ITPRID2: variants seen among roughly 807,000 people sequenced by gnomAD.
ITPRID2 encodes ITPR interacting domain containing 2.
A neutral mutation model predicts 124.3 loss-of-function variants in ITPRID2; 60 were observed. That is an observed-to-expected ratio of 0.48 (90% CI 0.39 to 0.60). The LOEUF is 0.60. ITPRID2 is among the 20% of genes least tolerant of loss of function. The pLI, the probability that ITPRID2 is intolerant of heterozygous loss-of-function variation, is 0.00. For missense variants in ITPRID2, 1,553 were observed against 1,512.2 expected, an observed-to-expected ratio of 1.03 and a Z score of -0.45; for synonymous variants, 521 against 542.9, an observed-to-expected ratio of 0.96 and a Z score of 0.56.
Position 181,918,653 on chromosome 2 carries a change from C to T in ITPRID2, c.2843C>T (p.Ser948Leu). 1 of 1,614,114 alleles carries T rather than the reference C, an allele frequency of 6.2e-7. No homozygotes were observed. The highest frequency in any genetic ancestry group is 8.5e-7 in the Non-Finnish European group (1 of 1,179,994). ...PAAAPYSTQK[S>L]SVLPLYENTF... ...GCTGCTCCATATAGTACTCAGAAAT[C>T]ATCTGTTCTACCTCTTTATGAAGTA... The change falls in exon 12 of 18, where the codon TCA becomes TTA. Residue 948 changes from serine to leucine, a missense_variant. Ser to Leu is a moderately radical substitution (Grantham distance 145). Coordinates refer to ENST00000431877, the MANE Select transcript of ITPRID2 (RefSeq NM_001130445.3).
chr2:181,897,365 T>C (rs56915855), intron 4 of ITPRID2, among the ~76,000 whole-genome samples: 4,759 of 152,118 alleles, frequency 0.031, 235 homozygotes, highest in African/African-American at 0.11. Flanking sequence ...CTTGTCTTTC[T>C]CTTTGCATTT....
At chr2:181,899,211 C>G (rs1024734998) in intron 6 of ITPRID2, 99 bp downstream of exon 6, 2 of 828,892 alleles carry the variant, frequency 2.4e-6, no homozygotes, top group Non-Finnish European at 3.8e-6. Context: ...CATATGAAAT[C>G]AGAAAGAACA....
chr2:181,895,052 C>T (rs1398564326), intron 2 of ITPRID2, among the ~76,000 whole-genome samples: 2 of 152,014 alleles, frequency 1.3e-5, no homozygotes, highest in Non-Finnish European at 2.9e-5. Flanking sequence ...GATTCTTTTA[C>T]GTTTCAAAAG....
chr2:181,920,742 A>AAT, intron 15 of ITPRID2, 80 bp downstream of exon 15: 1 of 1,031,654 alleles, frequency 9.7e-7, no homozygotes, highest in Admixed American at 2.1e-5. Flanking sequence ...GTTTAGATGA[A>AAT]ATATATGTTT....
At position 181,929,797 on chromosome 2, in the gene ITPRID2, T is replaced by G; in HGVS notation, c.*250T>G. ...GCAGTTTGAAAAGCCTAATATTTAT[T>G]TGTATGTCAGTATTTTTCATTTGAT... is the stretch of plus-strand genomic sequence containing the variant. On this transcript the variant is annotated 3_prime_UTR_variant, in exon 18 of 18. Coordinates refer to ENST00000431877, the MANE Select transcript of ITPRID2 (RefSeq NM_001130445.3). 2.0e-6 allele frequency: 1 copy of G among 495,290 alleles called. No individual in the cohort carries two copies. Among genetic ancestry groups the G allele is most frequent in the African/African-American group, 2.0e-5 (1 of 50,558 alleles). 30.7% of individuals were successfully genotyped at this position (495,290 alleles called of 1,614,324 possible).
intron 8 of ITPRID2, among the ~76,000 whole-genome samples, chr2:181,909,128 A>T (rs1693397387): frequency 6.6e-6 from 1 of 152,128 alleles, no homozygotes; most frequent in African/African-American, 2.4e-5. Flanking sequence ...AAAGACAACT[A>T]AGTTTGATAT....
chr2:181,891,924 CT>C lies in ITPRID2; in HGVS notation c.-142del. The stretch of plus-strand genomic sequence containing the variant: ...TCCCTCCCTCCCTCCCTGTCCCCTC[CT>C]CCTCCTCCTCCTCCTCCGGCGCCCG... On this transcript the variant is annotated 5_prime_UTR_variant, in exon 1 of 18. Coordinates refer to ENST00000431877, the MANE Select transcript of ITPRID2 (RefSeq NM_001130445.3). 1.7e-6 allele frequency: 1 copy of C among 604,466 alleles called. No individual in the cohort carries two copies. The highest frequency in any genetic ancestry group is 2.1e-5 in the South Asian group (1 of 48,606). 37.4% of individuals were successfully genotyped at this position (604,466 alleles called of 1,614,324 possible). A position where few individuals can be genotyped will look rare whatever the true frequency, so the allele number is the denominator to read the frequency against.
intron 8 of ITPRID2, among the ~76,000 whole-genome samples, chr2:181,903,901 G>A (rs1365333729): frequency 1.3e-5 from 2 of 151,846 alleles, no homozygotes; most frequent in East Asian, 3.9e-4. Flanking sequence ...TACCATTAGG[G>A]CCCTCTTCTA....
In ITPRID2 at chr2:181,891,758, C is replaced by G. The variant is rs1003961969; in HGVS notation, c.-309C>G. ...CGCGCAGCGGCCGGCCTGCTCCGGG[C>G]GCGTCAGGCAGGGGGTGGGGAGCAG... On this transcript the variant is annotated 5_prime_UTR_variant, in exon 1 of 18. Coordinates refer to ENST00000431877, the MANE Select transcript of ITPRID2 (RefSeq NM_001130445.3). 1 of 163,582 alleles carries G rather than the reference C, an allele frequency of 6.1e-6. No homozygotes were observed. The highest frequency in any genetic ancestry group is 1.3e-5 in the Non-Finnish European group (1 of 76,534). 10.1% of individuals were successfully genotyped at this position (163,582 alleles called of 1,614,324 possible). A position where few individuals can be genotyped will look rare whatever the true frequency, so the allele number is the denominator to read the frequency against.
chr2:181,911,827 A>C (rs1423536721), intron 9 of ITPRID2, among the ~76,000 whole-genome samples: 1 of 152,176 alleles, frequency 6.6e-6, no homozygotes, highest in African/African-American at 2.4e-5. Flanking sequence ...CTCGTTTTGC[A>C]GAGGAGAGAA....
chr2:181,914,770 G>A lies in ITPRID2; in HGVS notation c.1576-446G>A, dbSNP rs1693895875. ...GAACTGATTCAGAAAAATCCGGGCT[G>A]AAACTGGAGAGATACCCTGGTCTTG... is the stretch of plus-strand genomic sequence containing the variant. On this transcript the variant is annotated intron_variant, in intron 10 of 17. Coordinates refer to ENST00000431877, the MANE Select transcript of ITPRID2 (RefSeq NM_001130445.3). 2.0e-5 allele frequency among the ~76,000 whole-genome samples: 3 copies of A among 152,202 alleles called. 1 individual carries two copies. The South Asian group carries it at 6.2e-4, about 32-fold the overall frequency.
rs1263363128 is a variant in ITPRID2 at position 181,892,599 on chromosome 2, C to T, written c.212-16C>T. The T allele has an allele frequency of 3.1e-6, 5 of 1,613,992 alleles. No homozygotes were observed. The highest frequency in any genetic ancestry group is 4.2e-6 in the Non-Finnish European group (5 of 1,180,008). On this transcript the variant is annotated splice_polypyrimidine_tract_variant and intron_variant, in intron 1 of 17. Coordinates refer to ENST00000431877, the MANE Select transcript of ITPRID2 (RefSeq NM_001130445.3). This position sits in a 1 kb window ranked among gnomAD's most constrained non-coding sequence, Gnocchi z 5.2. The stretch of plus-strand genomic sequence containing the variant: ...CTCCTGGGTGGTAACGTGCTGTCCC[C>T]TCTCTCTACCCCCAGGAAACGTGCC...
At position 181,902,168 on chromosome 2, in the gene ITPRID2, A is replaced by G. The variant is rs1293398840; in HGVS notation, c.1115A>G (p.Glu372Gly). 1 of 1,613,716 alleles carries G rather than the reference A, an allele frequency of 6.2e-7. No homozygotes were observed. Among genetic ancestry groups the G allele is most frequent in the East Asian group, 2.2e-5 (1 of 44,880 alleles). Residue 372 changes from glutamate (E) to glycine (G), a missense_variant, in exon 8 of 18, where the codon GAG becomes GGG. Transcript: ENST00000431877. The surrounding 1 kb of genome is among the most constrained non-coding windows in gnomAD (Gnocchi z 4.4). Reference sequence around the variant, plus strand: ...TCTGGTAGTTCAGCAGCTGTTACGGAGAATGCTGATAGTGATAGAATTTCT... The same window carrying G: ...TCTGGTAGTTCAGCAGCTGTTACGGGGAATGCTGATAGTGATAGAATTTCT... ...EVSGSSAAVT[E>G]NADSDRISDE... is the part of the protein sequence containing the mutation.
chr2:181,923,027 A>G (rs547303895), intron 16 of ITPRID2, among the ~76,000 whole-genome samples: 3 of 152,356 alleles, frequency 2.0e-5, no homozygotes, highest in Admixed American at 6.5e-5. Context: ...TTTTTATTCA[A>G]AAATCAAAAT....
chr2:181,915,988 T>C lies in ITPRID2; in HGVS notation c.2348T>C (p.Leu783Ser). The change falls in exon 11 of 18, where the codon TTG (leucine) becomes TCG (serine). Residue 783 changes from leucine (L) to serine (S), a missense_variant. Physicochemically the swap from Leu to Ser is moderately radical, Grantham distance 145 (BLOSUM62 -2). Transcript: ENST00000431877. ...YKYTPEEEQE[L>S]EKRVMEHDGQ... Reference sequence around the variant, plus strand: ...TACACACCTGAAGAGGAGCAGGAATTGGAAAAGCGGGTGATGGAACATGAT... The same window carrying C: ...TACACACCTGAAGAGGAGCAGGAATCGGAAAAGCGGGTGATGGAACATGAT... 1 of 1,614,064 alleles carries C rather than the reference T, an allele frequency of 6.2e-7. No homozygotes were observed.
intron 9 of ITPRID2, among the ~76,000 whole-genome samples, chr2:181,911,115 C>T (rs1212310970): frequency 2.6e-5 from 4 of 152,030 alleles, no homozygotes; most frequent in Non-Finnish European, 4.4e-5. Flanking sequence ...TGGGTTTTTT[C>T]CTTTTCTTAG....
chr2:181,903,701 T>G (rs1692862900), intron 8 of ITPRID2, among the ~76,000 whole-genome samples: 1 of 152,198 alleles, frequency 6.6e-6, no homozygotes, highest in African/African-American at 2.4e-5. Context: ...TTTATTTCTT[T>G]GTATATGTTT....
chr2:181,915,696 T>C lies in ITPRID2; in HGVS notation c.2056T>C (p.Ser686Pro), dbSNP rs771652318. 4 of 1,614,180 alleles carry C rather than the reference T, an allele frequency of 2.5e-6. No homozygotes were observed. The highest frequency in any genetic ancestry group is 3.4e-6 in the Non-Finnish European group (4 of 1,180,044). The change falls in exon 11 of 18, where the codon TCT becomes CCT. Residue 686 changes from serine to proline, a missense_variant. Ser to Pro is a moderately conservative substitution (Grantham distance 74). Transcript: ENST00000431877. The stretch of plus-strand genomic sequence containing the variant: ...CTCTGAAAATACAACTGGGCCTCCC[T>C]CTTCCATGGACAGAGTTAATACAGC... ...MSSENTTGPP[S>P]SMDRVNTALQ...
chr2:181,928,352 A>T, intron 17 of ITPRID2, 74 bp downstream of exon 17: 1 of 922,364 alleles, frequency 1.1e-6, no homozygotes, highest in Middle Eastern at 2.7e-4. Flanking sequence ...TTTTGTTAGT[A>T]TACAGGTTTG....
Sources: allele counts gnomAD v4.1 joint callset (sites outside exome capture counted in the v4.1 genomes callset), GRCh38; gene constraint gnomAD v4.1.1; non-coding constraint Gnocchi (gnomAD v3.1); transcripts MANE v1.5; gene names NCBI Gene and HGNC (gene_info 2026-07-23, HGNC 2026-07-21).